SRPK1: variants seen among roughly 807,000 people sequenced by gnomAD.
SRPK1 encodes the protein SFRS protein kinase 1.
SRPK1 carries 52 observed loss-of-function variants against 89.5 expected under a neutral mutation model. The observed-to-expected ratio is 0.58, with a 90% CI of 0.46 to 0.73. SRPK1 has a LOEUF of 0.73. Among genes scored for constraint, SRPK1 ranks in the 30% least tolerant of loss-of-function variants. The probability of loss-of-function intolerance (pLI) is 0.00; values close to 1 mark genes in which losing one functional copy is unlikely to be tolerated. For missense variants in SRPK1, 603 were observed against 780.6 expected, an observed-to-expected ratio of 0.77 and a Z score of 2.71; for synonymous variants, 255 against 270.2, an observed-to-expected ratio of 0.94 and a Z score of 0.55.
intron 6 of SRPK1, among the ~76,000 whole-genome samples, chr6:35,880,268 T>A (rs993225109): frequency 6.6e-6 from 1 of 151,748 alleles, no homozygotes; most frequent in African/African-American, 2.4e-5. Context: ...CAGATTTGGG[T>A]AGGCAGAAGA....
chr6:35,858,966 AT>A (rs1265591990), intron 12 of SRPK1, among the ~76,000 whole-genome samples: 4 of 152,230 alleles, frequency 2.6e-5, no homozygotes, highest in Admixed American at 2.0e-4. Context: ...ATTAAAGTGT[AT>A]TTACAACACT....
chr6:35,870,297 C>A lies in SRPK1; in HGVS notation c.975G>T (p.Met325Ile). ...TATTTATACCAAGTTTTTCTTGGGT[C>A]ATTTTATTAGGTGGGTTCTCTTTCA... ...RPLKENPPNK[M>I]TQEKLEESST... Residue 325 changes from methionine to isoleucine, a missense_variant, in exon 10 of 16, where the codon ATG (methionine) becomes ATT (isoleucine). Physicochemically the swap from Met to Ile is conservative, Grantham distance 10 (BLOSUM62 1). Coordinates refer to ENST00000373825, the MANE Select transcript of SRPK1 (RefSeq NM_003137.5). 6.2e-7 allele frequency: 1 copy of A among 1,611,652 alleles called. No homozygotes were observed. Among genetic ancestry groups the A allele is most frequent in the South Asian group, 1.1e-5 (1 of 90,354 alleles).
intron 2 of SRPK1, among the ~76,000 whole-genome samples, chr6:35,901,554 G>T (rs1380479504): frequency 6.6e-6 from 1 of 152,188 alleles, no homozygotes; most frequent in Non-Finnish European, 1.5e-5. Flanking sequence ...CTTTGTTACA[G>T]AAGACTGAAG....
chr6:35,878,435 AAT>A (rs1770204490), intron 6 of SRPK1, among the ~76,000 whole-genome samples: 1 of 152,150 alleles, frequency 6.6e-6, no homozygotes, highest in Admixed American at 6.5e-5. Flanking sequence ...GCATTGGCAG[AAT>A]CTGTCTAATG....
At position 35,870,474 on chromosome 6, in the gene SRPK1, A is replaced by C. The variant is rs1291643002; in HGVS notation, c.798T>G (p.Asn266Lys). The C allele has an allele frequency of 9.7e-6, 15 of 1,551,290 alleles. No individual in the cohort carries two copies. Among genetic ancestry groups the C allele is most frequent in the South Asian group, 2.4e-5 (2 of 84,056 alleles). ...GCTTCTTCTTCAATTTCTTCTTCTT[A>C]TTCTTTGACATTTTGTCAGCCTGGG... is the stretch of plus-strand genomic sequence containing the variant. ...QPKPADKMSK[N>K]KKKKLKKKQK... is the part of the protein sequence containing the mutation. The change falls in exon 10 of 16, where the codon AAT (asparagine) becomes AAG (lysine). Residue 266 changes from asparagine to lysine, a missense_variant. Coordinates refer to ENST00000373825, the MANE Select transcript of SRPK1 (RefSeq NM_003137.5).
At chr6:35,872,481 GTTTAAT>G (rs1283963394) in intron 8 of SRPK1, 76 bp downstream of exon 8, 1 of 1,294,866 alleles carries the variant, frequency 7.7e-7, no homozygotes, top group Non-Finnish European at 1.0e-6. Flanking sequence ...ATTGAGTGGT[GTTTAAT>G]TCCCTGGTAA....
intron 2 of SRPK1, among the ~76,000 whole-genome samples, chr6:35,900,798 G>A (rs1395315533): frequency 6.6e-6 from 1 of 152,148 alleles, no homozygotes; most frequent in Non-Finnish European, 1.5e-5. Flanking sequence ...GAAATTTAGG[G>A]AGAGGAACGG....
intron 13 of SRPK1, chr6:35,857,006 T>C (rs1442923755): frequency 2.5e-6 from 1 of 398,464 alleles, no homozygotes; most frequent in East Asian, 4.0e-5. Context: ...GTTGTTTTCA[T>C]TATTTCCCCC....
intron 2 of SRPK1, chr6:35,920,183 G>C (rs1367487751): frequency 3.6e-6 from 2 of 555,160 alleles, no homozygotes; most frequent in African/African-American, 1.9e-5. Flanking sequence ...AGGGGAGTTT[G>C]TGCCTCCTCT....
intron 6 of SRPK1, among the ~76,000 whole-genome samples, chr6:35,885,296 CACAGAGAGAGAG>C (rs1770383128): frequency 1.6e-4 from 20 of 123,834 alleles, no homozygotes; most frequent in African/African-American, 4.9e-4. Flanking sequence ...CACACACACA[CACAGAGAGAGAG>C]AGAGAGAGAG....
At chr6:35,893,794 C>A (rs1770570696) in intron 2 of SRPK1, among the ~76,000 whole-genome samples, 1 of 151,652 alleles carries the variant, frequency 6.6e-6, no homozygotes, top group East Asian at 1.9e-4. Flanking sequence ...TTTGGGAGGC[C>A]GAGGCCAGGA....
At chr6:35,876,085 TA>T (rs34493292) in intron 6 of SRPK1, among the ~76,000 whole-genome samples, 1,240 of 77,608 alleles carry the variant, frequency 0.016, 17 homozygotes, top group African/African-American at 0.05. Flanking sequence ...ATTCTTAAAT[TA>T]AAAAAAAAAA....
chr6:35,868,970 C>A (rs1470346217), intron 12 of SRPK1, 40 bp downstream of exon 12: 3 of 1,521,500 alleles, frequency 2.0e-6, no homozygotes, highest in Non-Finnish European at 2.7e-6. Context: ...ATTCATCCTC[C>A]CAGTCACTTC....
chr6:35,887,750 G>GT (rs1770440175), intron 5 of SRPK1: 1 of 282,388 alleles, frequency 3.5e-6, no homozygotes, highest in Admixed American at 5.1e-5. Context: ...TACCTGGCCT[G>GT]TAAAACATGC....
intron 1 of SRPK1, 27 bp from the exon 2 acceptor site, chr6:35,920,555 G>A (rs1427988552): frequency 1.4e-5 from 22 of 1,610,304 alleles, no homozygotes; most frequent in Non-Finnish European, 1.9e-5. Flanking sequence ...TGGATGAAGG[G>A]CGAATGTGGA....
chr6:35,883,500 T>G (rs560781452), intron 6 of SRPK1, among the ~76,000 whole-genome samples: 27 of 152,328 alleles, frequency 1.8e-4, no homozygotes, highest in African/African-American at 6.3e-4. Flanking sequence ...TGTAAAGCTA[T>G]TCTCTTATGT....
chr6:35,852,107 C>G (rs1769569110), intron 13 of SRPK1, among the ~76,000 whole-genome samples: 1 of 152,148 alleles, frequency 6.6e-6, no homozygotes. Flanking sequence ...CAATGAAGGT[C>G]CTACAGTTAA....
intron 2 of SRPK1, among the ~76,000 whole-genome samples, chr6:35,899,381 C>G (rs1165961369): frequency 2.6e-5 from 4 of 152,126 alleles, no homozygotes; most frequent in Non-Finnish European, 5.9e-5. Flanking sequence ...CAGTGTTTGC[C>G]ACATGCCCTC....
At chr6:35,905,051 G>C in intron 2 of SRPK1, 1 of 382,158 alleles carries the variant, frequency 2.6e-6, no homozygotes, top group Non-Finnish European at 5.1e-6. Context: ...AGAGGCTGAG[G>C]CAGAGGGAAT....
Sources: allele counts gnomAD v4.1 joint callset (sites outside exome capture counted in the v4.1 genomes callset), GRCh38; gene constraint gnomAD v4.1.1; transcripts MANE v1.5; gene names NCBI Gene and HGNC (gene_info 2026-07-23, HGNC 2026-07-21).